SAE1: variants seen among roughly 807,000 people sequenced by gnomAD.
The protein encoded by SAE1 is SUMO1 activating enzyme subunit 1.
A neutral mutation model predicts 40.6 loss-of-function variants in SAE1; 11 were observed. The observed-to-expected ratio is 0.27, with a 90% CI of 0.17 to 0.45. The LOEUF is 0.45. SAE1 is among the 20% of genes least tolerant of loss of function. The pLI, the probability that SAE1 is intolerant of heterozygous loss-of-function variation, is 1.00. For synonymous variants in SAE1, 155 were observed against 154.3 expected (o/e 1.00, Z -0.03); for missense variants, 373 against 427.3 (o/e 0.87, Z 1.12).
In SAE1 at chr19:47,140,342, G is replaced by A. The variant is rs547579945; in HGVS notation, c.99-3152G>A. Among the ~76,000 whole-genome samples the A allele has an allele frequency of 3.8e-3, 584 of 151,970 alleles. 1 individual carries two copies. The highest frequency in any genetic ancestry group is 5.5e-3 in the Non-Finnish European group (372 of 67,986). On this transcript the variant is annotated intron_variant, in intron 1 of 8. Transcript: ENST00000270225. ...AGGATGGTCTCGGTCTTCTGACCTC[G>A]TGATCTGCCTGTCTCGGCCTCCCAA...
At chr19:47,165,965 T>A (rs1414350837) in intron 5 of SAE1, among the ~76,000 whole-genome samples, 1 of 152,136 alleles carries the variant, frequency 6.6e-6, no homozygotes, top group African/African-American at 2.4e-5. Context: ...GGAGAGAGAA[T>A]CTGATTGGCC....
chr19:47,144,016 G>A (rs762229009), intron 2 of SAE1, among the ~76,000 whole-genome samples: 4 of 152,156 alleles, frequency 2.6e-5, no homozygotes, highest in East Asian at 1.9e-4. Flanking sequence ...GGTCTGAGGC[G>A]AGCTCAGGAG....
intron 6 of SAE1, among the ~76,000 whole-genome samples, chr19:47,184,312 C>A (rs979761399): frequency 2.0e-5 from 3 of 152,110 alleles, no homozygotes; most frequent in South Asian, 2.1e-4. Context: ...CTTTTAAATC[C>A]GTCGTGACCA....
At position 47,130,896 on chromosome 19, in the gene SAE1, G is replaced by A; in HGVS notation, c.-35G>A. 6.5e-7 allele frequency: 1 copy of A among 1,548,032 alleles called. No individual in the cohort carries two copies. The highest frequency in any genetic ancestry group is 2.4e-5 in the East Asian group (1 of 40,820). On this transcript the variant is annotated 5_prime_UTR_variant, in exon 1 of 9. Transcript: ENST00000270225. The stretch of plus-strand genomic sequence containing the variant: ...CGGGTCCGGCGGGCGGTTGGCTTGA[G>A]CGGGACCGGAGCTGAGGCAGGAAGA...
chr19:47,193,217 A>G (rs1240680487), intron 6 of SAE1, among the ~76,000 whole-genome samples: 1 of 151,392 alleles, frequency 6.6e-6, no homozygotes, highest in Non-Finnish European at 1.5e-5. Context: ...ACCACCATGC[A>G]CGGCTAATTT....
intron 2 of SAE1, among the ~76,000 whole-genome samples, chr19:47,145,939 T>G (rs1157250075): frequency 6.8e-6 from 1 of 148,056 alleles, no homozygotes; most frequent in African/African-American, 2.5e-5. Context: ...TCTCAAGGTT[T>G]TTTTTTTTTT....
intron 3 of SAE1, among the ~76,000 whole-genome samples, chr19:47,152,625 G>A (rs1273941179): frequency 6.6e-6 from 1 of 152,094 alleles, no homozygotes; most frequent in Non-Finnish European, 1.5e-5. Flanking sequence ...GTGGATTACA[G>A]AAAACATTTG....
At chr19:47,203,318 G>A (rs1313092710) in intron 7 of SAE1, among the ~76,000 whole-genome samples, 1 of 152,170 alleles carries the variant, frequency 6.6e-6, no homozygotes, top group Admixed American at 6.5e-5. Flanking sequence ...TGGCCATTAT[G>A]GGTAAGAAGA....
intron 1 of SAE1, among the ~76,000 whole-genome samples, chr19:47,132,521 C>G (rs1296003853): frequency 6.6e-6 from 1 of 151,550 alleles, no homozygotes; most frequent in Non-Finnish European, 1.5e-5. Context: ...GAGATCTCCC[C>G]CCATCTCAGA....
intron 2 of SAE1, among the ~76,000 whole-genome samples, chr19:47,146,128 A>C (rs2058254412): frequency 6.6e-6 from 1 of 152,064 alleles, no homozygotes; most frequent in African/African-American, 2.4e-5. Flanking sequence ...GTAGAAATGG[A>C]AGCTAAAAGT....
chr19:47,137,150 A>G (rs1281922127), intron 1 of SAE1, among the ~76,000 whole-genome samples: 5 of 152,112 alleles, frequency 3.3e-5, no homozygotes. Context: ...GGACTTTGAG[A>G]GGCCGAGGTG....
intron 2 of SAE1, among the ~76,000 whole-genome samples, chr19:47,147,224 T>C (rs998701152): frequency 6.9e-6 from 1 of 144,808 alleles, no homozygotes; most frequent in Admixed American, 6.9e-5. Flanking sequence ...TTTTTTTTTT[T>C]TTTGAGGCAG....
intron 6 of SAE1, among the ~76,000 whole-genome samples, chr19:47,190,157 A>C (rs554735528): frequency 5.9e-5 from 9 of 152,298 alleles, no homozygotes; most frequent in African/African-American, 2.2e-4. Flanking sequence ...ATCCTGAGTT[A>C]ATTAAAAGGT....
In SAE1 at chr19:47,169,922, A is replaced by G. The variant is rs1472490811; in HGVS notation, c.732A>G (p.Gln244=). The G allele has an allele frequency of 1.9e-6, 3 of 1,611,824 alleles. No homozygotes were observed. Among genetic ancestry groups the G allele is most frequent in the African/African-American group, 2.7e-5 (2 of 74,882 alleles). The change falls in exon 6 of 9, where the codon CAA becomes CAG. Residue 244 remains glutamine (Q), a splice_region_variant and synonymous_variant. Coordinates refer to ENST00000270225, the MANE Select transcript of SAE1 (RefSeq NM_005500.3). ...CGACCTCCGACTACTTTCTCCTTCAAGGTGAGGTCTCAAAGCACAACTTAC... is the reference window on the plus strand; with the variant it reads ...CGACCTCCGACTACTTTCTCCTTCAGGGTGAGGTCTCAAAGCACAACTTAC... ...KRTTSDYFLL[Q]VLLKFRTDKG...
chr19:47,185,022 G>C (rs2058535351), intron 6 of SAE1, among the ~76,000 whole-genome samples: 1 of 151,784 alleles, frequency 6.6e-6, no homozygotes, highest in South Asian at 2.1e-4. Flanking sequence ...GTTTCACCAT[G>C]TTGGCCAGGC....
intron 1 of SAE1, among the ~76,000 whole-genome samples, chr19:47,134,621 G>A (rs2058167447): frequency 6.6e-6 from 1 of 152,138 alleles, no homozygotes; most frequent in Non-Finnish European, 1.5e-5. Flanking sequence ...CTAAAGGGTT[G>A]GGGAGGGGAT....
intron 2 of SAE1, among the ~76,000 whole-genome samples, chr19:47,146,251 C>T (rs1281723359): frequency 2.0e-5 from 3 of 152,052 alleles, no homozygotes; most frequent in Admixed American, 6.6e-5. Flanking sequence ...TTTACTTAAT[C>T]CTCTGGGTGG....
intron 8 of SAE1, among the ~76,000 whole-genome samples, chr19:47,208,063 A>T (rs562076791): frequency 6.6e-6 from 1 of 152,082 alleles, no homozygotes; most frequent in Non-Finnish European, 1.5e-5. Context: ...TAGCGACTCT[A>T]TGTCCTCATG....
intron 5 of SAE1, among the ~76,000 whole-genome samples, chr19:47,167,587 C>A (rs1311084621): frequency 6.6e-6 from 1 of 152,130 alleles, no homozygotes; most frequent in East Asian, 1.9e-4. Context: ...CCTTAGCAAG[C>A]TTTGTAAACT....
Sources: allele counts gnomAD v4.1 joint callset (sites outside exome capture counted in the v4.1 genomes callset), GRCh38; gene constraint gnomAD v4.1.1; transcripts MANE v1.5; gene names NCBI Gene and HGNC (gene_info 2026-07-23, HGNC 2026-07-21).